The following CATSPERT variants were observed in gnomAD, a reference collection of about 807,000 sequenced individuals.
CATSPERT encodes the protein cation channel sperm-associated targeting subunit tau.
At chr2:201,607,621 G>T in the CATSPERT span, among the ~76,000 whole-genome samples, 1 of 151,340 alleles carries the variant, frequency 6.6e-6, no homozygotes, top group Admixed American at 6.6e-5. Flanking sequence ...CAGCCTGGGG[G>T]ACACACACAC....
At chr2:201,606,855 C>T in the CATSPERT span, among the ~76,000 whole-genome samples, 1 of 149,492 alleles carries the variant, frequency 6.7e-6, no homozygotes, top group African/African-American at 2.5e-5. Context: ...GCCAAGATCG[C>T]GCCACCGCAC....
At chr2:201,519,590 A>C in the CATSPERT span, among the ~76,000 whole-genome samples, 1 of 152,196 alleles carries the variant, frequency 6.6e-6, no homozygotes, top group Non-Finnish European at 1.5e-5. Context: ...AAGAGAATAC[A>C]GATTGAGGAT....
At chr2:201,604,792 T>A in the CATSPERT span, 1 of 887,244 alleles carries the variant, frequency 1.1e-6, no homozygotes, top group African/African-American at 1.7e-5. Context: ...CTCTAGTAAG[T>A]GTCAGGTCTC....
the CATSPERT span, among the ~76,000 whole-genome samples, chr2:201,614,308 A>T: frequency 1.3e-5 from 2 of 152,230 alleles, no homozygotes; most frequent in Non-Finnish European, 1.5e-5. Context: ...ACAGCCAGAG[A>T]GAAAGGTCGG....
the CATSPERT span, among the ~76,000 whole-genome samples, chr2:201,545,819 C>T: frequency 1.3e-5 from 2 of 152,116 alleles, no homozygotes; most frequent in Middle Eastern, 6.8e-3. Flanking sequence ...TTTTAAGGAG[C>T]CACATACTCT....
the CATSPERT span, chr2:201,601,847 G>C: frequency 1.2e-6 from 2 of 1,605,744 alleles, 1 homozygote; most frequent in Non-Finnish European, 1.7e-6. Flanking sequence ...TGTTTATAGA[G>C]ATGCGAATGA....
the CATSPERT span, among the ~76,000 whole-genome samples, chr2:201,530,535 A>G: frequency 9.2e-5 from 14 of 152,042 alleles, no homozygotes. Context: ...TGGAGAGATT[A>G]CGGCATATTT....
chr2:201,508,077 T>A, the CATSPERT span, among the ~76,000 whole-genome samples: 747 of 152,276 alleles, frequency 4.9e-3, 8 homozygotes, highest in African/African-American at 0.017. Context: ...TAGCATAGGA[T>A]AAATGTTGAA....
the CATSPERT span, chr2:201,487,701 C>G: frequency 6.2e-7 from 1 of 1,614,068 alleles, no homozygotes; most frequent in South Asian, 1.1e-5. Flanking sequence ...CCTGATGAAA[C>G]CATTCGACGA....
chr2:201,492,353 T>TA, the CATSPERT span: 1 of 1,535,404 alleles, frequency 6.5e-7, no homozygotes, highest in Non-Finnish European at 8.7e-7. Context: ...AGTTTTTCTA[T>TA]AAAAAGACTC....
At chr2:201,542,455 C>T in the CATSPERT span, among the ~76,000 whole-genome samples, 1 of 152,134 alleles carries the variant, frequency 6.6e-6, no homozygotes, top group African/African-American at 2.4e-5. Flanking sequence ...ATGCTGTTTT[C>T]AAAAGCAGCT....
the CATSPERT span, among the ~76,000 whole-genome samples, chr2:201,585,149 C>T: frequency 7.2e-5 from 11 of 151,752 alleles, no homozygotes; most frequent in South Asian, 2.1e-4. Context: ...AACCAAACAC[C>T]GCATGTTCTC....
At chr2:201,493,521 T>G in the CATSPERT span, 2 of 1,537,032 alleles carry the variant, frequency 1.3e-6, no homozygotes, top group Non-Finnish European at 1.7e-6. Context: ...TTATCCCAGA[T>G]TCTAAAAGTG....
chr2:201,583,493 A>G, the CATSPERT span, among the ~76,000 whole-genome samples: 1 of 152,248 alleles, frequency 6.6e-6, no homozygotes, highest in Non-Finnish European at 1.5e-5. Flanking sequence ...TTCGAGCCAG[A>G]TACTTAAAAT....
chr2:201,588,273 C>T, the CATSPERT span, among the ~76,000 whole-genome samples: 4 of 151,990 alleles, frequency 2.6e-5, no homozygotes, highest in Admixed American at 2.0e-4. Context: ...AATTTAGCAG[C>T]AGATCAAAAA....
chr2:201,531,679 G>A, the CATSPERT span, among the ~76,000 whole-genome samples: 1 of 152,108 alleles, frequency 6.6e-6, no homozygotes, highest in Non-Finnish European at 1.5e-5. Context: ...GAGAAGATCC[G>A]CAGGGGAGAG....
the CATSPERT span, among the ~76,000 whole-genome samples, chr2:201,608,226 T>C: frequency 1.3e-5 from 2 of 152,122 alleles, no homozygotes; most frequent in Non-Finnish European, 2.9e-5. Flanking sequence ...TAGCTCGTTG[T>C]AGCCTCAAAC....
the CATSPERT span, chr2:201,492,017 C>T: frequency 6.5e-7 from 1 of 1,536,598 alleles, no homozygotes; most frequent in South Asian, 1.2e-5. Context: ...GGTGTTTTAG[C>T]TTCTTCCTTA....
chr2:201,587,760 A>C, the CATSPERT span, among the ~76,000 whole-genome samples: 1 of 152,228 alleles, frequency 6.6e-6, no homozygotes, highest in African/African-American at 2.4e-5. Context: ...TTAGTTCTTT[A>C]AATATTTCCT....
Sources: gnomAD v4.1 joint callset for allele counts (sites outside exome capture counted in the v4.1 genomes callset) on GRCh38, gnomAD v4.1.1 for gene constraint, MANE v1.5 for transcripts, NCBI Gene and HGNC (gene_info 2026-07-23, HGNC 2026-07-21) for gene names.